Variants in SOS1 observed in about 807,000 individuals in gnomAD.
The protein encoded by SOS1 is son of sevenless homolog 1.
Under a neutral mutation model 157.6 loss-of-function variants are expected in SOS1, and 25 were observed. That is an observed-to-expected ratio of 0.16 (90% CI 0.12 to 0.22). SOS1 has a LOEUF of 0.22. Among genes scored for constraint, SOS1 ranks in the 10% least tolerant of loss-of-function variants. SOS1 has a pLI of 1.00. For missense variants in SOS1, 1,237 were observed against 1,599.1 expected (o/e 0.77, Z 3.86); for synonymous variants, 528 against 534.0 (o/e 0.99, Z 0.16).
At chr2:38,989,351 T>G (rs1668657597) in intron 20 of SOS1, 37 bp from the exon 21 acceptor site, 1 of 1,406,864 alleles carries the variant, frequency 7.1e-7, no homozygotes, top group Non-Finnish European at 1.0e-6. Flanking sequence ...ATTTTTTTCT[T>G]TCATTGATAT....
chr2:39,115,883 AG>A (rs1673632132), intron 1 of SOS1, among the ~76,000 whole-genome samples: 1 of 148,990 alleles, frequency 6.7e-6, no homozygotes, highest in Non-Finnish European at 1.5e-5. Flanking sequence ...TCTTTGTATA[AG>A]CTTCATCTAT....
intron 1 of SOS1, among the ~76,000 whole-genome samples, chr2:39,072,824 T>G (rs574258306): frequency 6.6e-6 from 1 of 152,224 alleles, no homozygotes; most frequent in South Asian, 2.1e-4. Context: ...ATCACAAAAC[T>G]CATCCATGTA....
intron 8 of SOS1, among the ~76,000 whole-genome samples, chr2:39,025,474 C>T (rs555262568): frequency 2.0e-5 from 3 of 151,774 alleles, no homozygotes; most frequent in African/African-American, 7.3e-5. Context: ...CTCAGCCTCC[C>T]GAGTAGCTGC....
At chr2:39,027,791 T>C (rs1354801577) in intron 8 of SOS1, among the ~76,000 whole-genome samples, 1 of 152,166 alleles carries the variant, frequency 6.6e-6, no homozygotes, top group Non-Finnish European at 1.5e-5. Flanking sequence ...TATTACCATA[T>C]GAGATTGTAC....
chr2:39,048,394 T>C (rs919393349), intron 6 of SOS1, among the ~76,000 whole-genome samples: 4 of 152,102 alleles, frequency 2.6e-5, no homozygotes, highest in Non-Finnish European at 5.9e-5. Flanking sequence ...TAACAGCTTT[T>C]AAGATTTTCT....
intron 1 of SOS1, among the ~76,000 whole-genome samples, chr2:39,093,003 CT>C (rs1672644879): frequency 6.6e-6 from 1 of 152,190 alleles, no homozygotes; most frequent in Admixed American, 6.5e-5. Flanking sequence ...CTTTGGTAAA[CT>C]GTGACTCTTA....
intron 1 of SOS1, among the ~76,000 whole-genome samples, chr2:39,074,244 G>C (rs564796558): frequency 6.6e-6 from 1 of 152,154 alleles, no homozygotes; most frequent in African/African-American, 2.4e-5. Flanking sequence ...CAGCTACTGG[G>C]GAGGCTGAGA....
intron 8 of SOS1, among the ~76,000 whole-genome samples, chr2:39,026,514 C>T (rs1374830687): frequency 6.6e-6 from 1 of 152,050 alleles, no homozygotes; most frequent in Admixed American, 6.6e-5. Flanking sequence ...TTCAATATGG[C>T]CAGCTAGATT....
chr2:39,078,006 T>TCA (rs1386005752), intron 1 of SOS1, among the ~76,000 whole-genome samples: 1 of 152,148 alleles, frequency 6.6e-6, no homozygotes, highest in Non-Finnish European at 1.5e-5. Flanking sequence ...GAAAGATAAG[T>TCA]CACACACTGG....
intron 1 of SOS1, among the ~76,000 whole-genome samples, chr2:39,069,190 C>CAAAAAAAAAAAAAAAA (rs869178369): frequency 4.3e-5 from 2 of 46,758 alleles, no homozygotes; most frequent in African/African-American, 1.4e-4. Flanking sequence ...TACCAAAAAG[C>CAAAAAAAAAAAAAAAA]AAAAAAAAAA....
intron 17 of SOS1, among the ~76,000 whole-genome samples, chr2:39,003,804 A>C (rs1669191121): frequency 6.6e-6 from 1 of 152,220 alleles, no homozygotes; most frequent in African/African-American, 2.4e-5. Context: ...CAACTTTATC[A>C]TCTGTGAAAA....
intron 17 of SOS1, among the ~76,000 whole-genome samples, chr2:39,003,675 A>G (rs1026325906): frequency 5.9e-5 from 9 of 152,236 alleles, no homozygotes; most frequent in African/African-American, 2.2e-4. Flanking sequence ...AAATTAATTG[A>G]CAGATTGTTC....
In SOS1 at chr2:39,120,317, G is replaced by A; in HGVS notation, c.87+19C>T. The A allele has an allele frequency of 6.4e-7, 1 of 1,561,442 alleles. No homozygotes were observed. Among genetic ancestry groups the A allele is most frequent in the Non-Finnish European group, 8.7e-7 (1 of 1,153,512 alleles). On this transcript the variant is annotated intron_variant, in intron 1 of 22. Transcript: ENST00000402219. ...CTGGGGGGCTGCGGCCGGGAAGCGG[G>A]GTCCCGCGTGCTCCTCACCTTTTTC...
upstream of SOS1, among the ~76,000 whole-genome samples, chr2:39,121,614 T>C (rs1272750157): frequency 6.6e-6 from 1 of 152,232 alleles, no homozygotes; most frequent in Non-Finnish European, 1.5e-5. Context: ...GTAAGCACTT[T>C]CCTCCAGTGG....
At chr2:39,056,591 G>T in intron 4 of SOS1, 111 bp downstream of exon 4, 1 of 746,626 alleles carries the variant, frequency 1.3e-6, no homozygotes. Context: ...TAGGTTACTG[G>T]AGATATTCCC....
At chr2:39,052,076 C>T (rs1671036521) in intron 5 of SOS1, among the ~76,000 whole-genome samples, 1 of 152,124 alleles carries the variant, frequency 6.6e-6, no homozygotes, top group Non-Finnish European at 1.5e-5. Context: ...CATTCCTTTC[C>T]TCTCCCCAGT....
intron 19 of SOS1, among the ~76,000 whole-genome samples, chr2:38,996,604 A>G (rs1211135692): frequency 1.3e-5 from 2 of 152,190 alleles, no homozygotes; most frequent in Non-Finnish European, 2.9e-5. Flanking sequence ...TCATAAGTAG[A>G]TATTTTATTA....
intron 6 of SOS1, among the ~76,000 whole-genome samples, chr2:39,036,720 T>A (rs1670365773): frequency 6.6e-6 from 1 of 151,914 alleles, no homozygotes; most frequent in Non-Finnish European, 1.5e-5. Context: ...ATTACAGGCA[T>A]CCGCCACCAC....
At chr2:39,042,874 G>A (rs1274394780) in intron 6 of SOS1, among the ~76,000 whole-genome samples, 1 of 151,954 alleles carries the variant, frequency 6.6e-6, no homozygotes, top group Non-Finnish European at 1.5e-5. Context: ...AATTTTTACA[G>A]GCTGATCTTT....
Sources: gnomAD v4.1 joint callset for allele counts (sites outside exome capture counted in the v4.1 genomes callset) on GRCh38, gnomAD v4.1.1 for gene constraint, MANE v1.5 for transcripts, NCBI Gene and HGNC (gene_info 2026-07-23, HGNC 2026-07-21) for gene names.